The following ARL8B variants were observed in gnomAD, a reference collection of about 807,000 sequenced individuals.
ARL8B encodes ADP-ribosylation factor-like protein 8B.
ARL8B carries 9 observed loss-of-function variants against 30.6 expected under a neutral mutation model. The ratio of observed to expected loss-of-function variants is 0.29; its 90% CI spans 0.18 to 0.51. The LOEUF (loss-of-function observed/expected upper bound fraction) is 0.51. ARL8B is among the 20% of genes least tolerant of loss of function. ARL8B has a pLI of 0.97. For missense variants in ARL8B, 130 were observed against 227.2 expected, an observed-to-expected ratio of 0.57 and a Z score of 2.75; for synonymous variants, 74 against 76.0, an observed-to-expected ratio of 0.97 and a Z score of 0.14.
chr3:5,156,385 T>G (rs1342508519), intron 1 of ARL8B, among the ~76,000 whole-genome samples: 1 of 151,984 alleles, frequency 6.6e-6, no homozygotes, highest in Non-Finnish European at 1.5e-5. Context: ...CCCCAGAGTT[T>G]ACTGCCTTTT....
At chr3:5,128,094 C>T (rs922135981) in intron 1 of ARL8B, among the ~76,000 whole-genome samples, 2 of 129,802 alleles carry the variant, frequency 1.5e-5, no homozygotes, top group African/African-American at 2.9e-5. Flanking sequence ...ACCTGGGAGG[C>T]GGAGGTTGCG....
chr3:5,167,712 A>T (rs748040127), intron 1 of ARL8B, among the ~76,000 whole-genome samples: 1 of 152,250 alleles, frequency 6.6e-6, no homozygotes, highest in Non-Finnish European at 1.5e-5. Flanking sequence ...AACTATGCTG[A>T]TGAATGTTAA....
At chr3:5,169,038 A>G (rs2054647252) in intron 1 of ARL8B, among the ~76,000 whole-genome samples, 1 of 152,224 alleles carries the variant, frequency 6.6e-6, no homozygotes, top group African/African-American at 2.4e-5. Flanking sequence ...CTATGAAATG[A>G]TAATGATAAT....
chr3:5,128,691 A>G (rs779216229), intron 1 of ARL8B: 100 of 237,880 alleles, frequency 4.2e-4, no homozygotes, highest in Non-Finnish European at 6.3e-4. Flanking sequence ...TTGTGTTATC[A>G]AAACAATACA....
intron 1 of ARL8B, among the ~76,000 whole-genome samples, chr3:5,159,146 A>G (rs2054557395): frequency 6.6e-6 from 1 of 152,062 alleles, no homozygotes; most frequent in East Asian, 1.9e-4. Flanking sequence ...TACAAAATAC[A>G]AAAGTGAGCC....
chr3:5,130,046 T>C (rs1050264480), intron 1 of ARL8B, among the ~76,000 whole-genome samples: 4 of 152,002 alleles, frequency 2.6e-5, no homozygotes, highest in Non-Finnish European at 5.9e-5. Flanking sequence ...GTATTTTTAG[T>C]AGAGACAGGG....
At chr3:5,169,877 G>C (rs1051792972) in intron 1 of ARL8B, among the ~76,000 whole-genome samples, 1 of 152,176 alleles carries the variant, frequency 6.6e-6, no homozygotes, top group Non-Finnish European at 1.5e-5. Context: ...GGCACAATTC[G>C]AGTTCTGTAT....
At chr3:5,133,659 C>G (rs929495310) in intron 1 of ARL8B, among the ~76,000 whole-genome samples, 13 of 152,134 alleles carry the variant, frequency 8.5e-5, no homozygotes, top group African/African-American at 3.1e-4. Context: ...GGCGTGGTGG[C>G]TCATGCCAGT....
intron 1 of ARL8B, among the ~76,000 whole-genome samples, chr3:5,129,180 T>G (rs11920418): frequency 4.0e-5 from 6 of 151,420 alleles, no homozygotes; most frequent in Non-Finnish European, 5.9e-5. Flanking sequence ...TGTTTTTTGT[T>G]TTTTGTTTTT....
chr3:5,149,260 A>G (rs1208663918), intron 1 of ARL8B, among the ~76,000 whole-genome samples: 1 of 152,194 alleles, frequency 6.6e-6, no homozygotes, highest in Non-Finnish European at 1.5e-5. Flanking sequence ...CCTCTGGAAT[A>G]ACAGTCTTGG....
At position 5,122,513 on chromosome 3, in the gene ARL8B, C is replaced by T. The variant is rs2054190749; in HGVS notation, c.48C>T (p.Phe16=). 2 of 1,613,654 alleles carry T rather than the reference C, an allele frequency of 1.2e-6. No individual in the cohort carries two copies. Among genetic ancestry groups the T allele is most frequent in the South Asian group, 1.1e-5 (1 of 91,008 alleles). The part of the protein sequence containing the change: ...SRLLDWFRSL[F]WKEEMELTLV... ...TGCTGGACTGGTTCCGTTCGCTCTT[C>T]TGGAAGGAAGAGATGGAGCTGACGC... Residue 16 remains phenylalanine, a synonymous_variant, in exon 1 of 7, where the codon TTC becomes TTT. Coordinates refer to ENST00000256496, the MANE Select transcript of ARL8B (RefSeq NM_018184.3).
At chr3:5,124,198 T>C (rs2054208812) in intron 1 of ARL8B, among the ~76,000 whole-genome samples, 1 of 151,662 alleles carries the variant, frequency 6.6e-6, no homozygotes, top group East Asian at 1.9e-4. Flanking sequence ...TTTTTTGCGC[T>C]TGGAATGACT....
chr3:5,134,824 A>G (rs929449392), intron 1 of ARL8B, among the ~76,000 whole-genome samples: 4 of 152,206 alleles, frequency 2.6e-5, no homozygotes, highest in Non-Finnish European at 4.4e-5. Context: ...AAAACAAGTT[A>G]GGAAATGGCT....
Position 5,178,813 on chromosome 3 carries a change from A to T in ARL8B, c.*100A>T, listed in dbSNP as rs764015795. 1 of 1,573,856 alleles carries T rather than the reference A, an allele frequency of 6.4e-7. No individual in the cohort carries two copies. Among genetic ancestry groups the T allele is most frequent in the Admixed American group, 1.8e-5 (1 of 54,210 alleles). On this transcript the variant is annotated 3_prime_UTR_variant, in exon 7 of 7. Coordinates refer to ENST00000256496, the MANE Select transcript of ARL8B (RefSeq NM_018184.3). ...CAGAATACGGTCCTTCCTAAACCCC[A>T]GAAATTGCCTTTTTCAGAGTTTATT... is the stretch of plus-strand genomic sequence containing the variant.
At chr3:5,175,385 A>T (rs2054720583) in intron 6 of ARL8B, among the ~76,000 whole-genome samples, 1 of 152,164 alleles carries the variant, frequency 6.6e-6, no homozygotes, top group Non-Finnish European at 1.5e-5. Context: ...TATTGTGTTA[A>T]TTTTTGCAGA....
intron 1 of ARL8B, among the ~76,000 whole-genome samples, chr3:5,146,312 A>ATGCC (rs2054418354): frequency 6.6e-6 from 1 of 152,208 alleles, no homozygotes; most frequent in Admixed American, 6.5e-5. Context: ...ACAGGGTGGC[A>ATGCC]GGTCTGGACA....
intron 1 of ARL8B, among the ~76,000 whole-genome samples, chr3:5,160,244 G>A (rs1208958581): frequency 6.6e-6 from 1 of 152,126 alleles, no homozygotes; most frequent in Non-Finnish European, 1.5e-5. Flanking sequence ...TGTTGCTGTT[G>A]GCTCATCAAT....
chr3:5,148,674 T>C (rs1272772126), intron 1 of ARL8B, among the ~76,000 whole-genome samples: 1 of 152,190 alleles, frequency 6.6e-6, no homozygotes, highest in Non-Finnish European at 1.5e-5. Flanking sequence ...GATGGAGTTT[T>C]ATCATTTACA....
intron 1 of ARL8B, among the ~76,000 whole-genome samples, chr3:5,151,726 C>T (rs1246222415): frequency 7.9e-6 from 1 of 126,382 alleles, no homozygotes; most frequent in African/African-American, 3.1e-5. Context: ...CCCCCACCCC[C>T]CCCCTTGGAG....
Sources: allele counts gnomAD v4.1 joint callset (sites outside exome capture counted in the v4.1 genomes callset), GRCh38; gene constraint gnomAD v4.1.1; transcripts MANE v1.5; gene names NCBI Gene and HGNC (gene_info 2026-07-23, HGNC 2026-07-21).